The following ZNF600 variants were observed in gnomAD, a reference collection of about 807,000 sequenced individuals.
ZNF600 encodes the protein zinc finger protein 600, also known as zinc finger protein KR-ZNF1.
ZNF600 carries 4 observed loss-of-function variants against 7.3 expected under a neutral mutation model. The ratio of observed to expected loss-of-function variants is 0.55; its 90% CI spans 0.27 to 1.25. The LOEUF is 1.25. ZNF600 is among the 50% of genes most tolerant of loss of function. The pLI is 0.12. For missense variants in ZNF600, 911 were observed against 922.1 expected (o/e 0.99, Z 0.16); for synonymous variants, 290 against 308.9 (o/e 0.94, Z 0.64).
chr19:52,774,238 T>C (rs1455010867), intron 3 of ZNF600, among the ~76,000 whole-genome samples: 1 of 151,680 alleles, frequency 6.6e-6, no homozygotes, highest in African/African-American at 2.4e-5. Context: ...GAGACGAGTC[T>C]GACCAACATA....
chr19:52,811,037 G>A, the ZNF600 span, among the ~76,000 whole-genome samples: 2 of 148,036 alleles, frequency 1.4e-5, no homozygotes, highest in African/African-American at 4.9e-5. Flanking sequence ...TTGCAGGCAC[G>A]CGCCGCCACG....
chr19:52,769,219 C>T (rs537993515), intron 3 of ZNF600, among the ~76,000 whole-genome samples: 15 of 152,214 alleles, frequency 9.9e-5, no homozygotes, highest in African/African-American at 2.6e-4. Context: ...CCACCTCTTG[C>T]GGAGGGCCTG....
intron 2 of ZNF600, among the ~76,000 whole-genome samples, chr19:52,776,514 C>A (rs1412470655): frequency 1.3e-5 from 2 of 151,816 alleles, no homozygotes; most frequent in Admixed American, 6.6e-5. Flanking sequence ...CAGGTTCAAG[C>A]AATTCTCTTG....
chr19:52,784,070 C>T (rs2062745138), intron 1 of ZNF600, among the ~76,000 whole-genome samples: 1 of 148,182 alleles, frequency 6.7e-6, no homozygotes, highest in South Asian at 2.2e-4. Context: ...AGCAAAACTC[C>T]ACCTCAAAAA....
At chr19:52,771,037 T>C (rs1441460052) in intron 3 of ZNF600, among the ~76,000 whole-genome samples, 6 of 152,164 alleles carry the variant, frequency 3.9e-5, no homozygotes. Context: ...TTCTCCATGT[T>C]GGTCAGGCTC....
At chr19:52,769,479 T>G (rs543612909) in intron 3 of ZNF600, among the ~76,000 whole-genome samples, 111 of 152,314 alleles carry the variant, frequency 7.3e-4, no homozygotes, top group African/African-American at 2.5e-3. Context: ...CCCTGTCTAG[T>G]GGACAGGTGA....
At position 52,765,680 on chromosome 19, in the gene ZNF600, T is replaced by C. The variant is rs139572237; in HGVS notation, c.2283A>G (p.Lys761=). 3 of 1,613,900 alleles carry C rather than the reference T, an allele frequency of 1.9e-6. No homozygotes were observed. In the African/African-American group the frequency reaches 4.0e-5, roughly 22 times the overall value. Residue 761 remains lysine, a synonymous_variant, in exon 4 of 4, where the codon AAA becomes AAG. Transcript: ENST00000648973. ...TGCCACACTCATTACACTTGTAAGG[T>C]TTCTCTCCAGTGTGAAGTCCAGTAT...
At chr19:52,824,959 C>T in the ZNF600 span, among the ~76,000 whole-genome samples, 88 of 152,090 alleles carry the variant, frequency 5.8e-4, no homozygotes, top group Non-Finnish European at 1.0e-3. Flanking sequence ...TAGCTGGACA[C>T]GGTGGTGCAC....
At chr19:52,789,890 GGTGGGGCC>G (rs1457374899), upstream of ZNF600, among the ~76,000 whole-genome samples, 2 of 152,146 alleles carry the variant, frequency 1.3e-5, no homozygotes, top group African/African-American at 4.8e-5. Flanking sequence ...GGGAGATAGG[GGTGGGGCC>G]GTTTTATAAG....
the ZNF600 span, chr19:52,801,243 A>C: frequency 6.2e-7 from 1 of 1,614,058 alleles, no homozygotes; most frequent in African/African-American, 1.3e-5. Flanking sequence ...TTGTGTGAGT[A>C]ATGAAGAATG....
At chr19:52,794,041 G>A in the ZNF600 span, among the ~76,000 whole-genome samples, 49 of 152,208 alleles carry the variant, frequency 3.2e-4, no homozygotes, top group African/African-American at 1.2e-3. Context: ...GACACGTGAA[G>A]GTGGAGATGC....
chr19:52,774,103 A>G (rs2062652510), intron 3 of ZNF600, among the ~76,000 whole-genome samples: 1 of 152,124 alleles, frequency 6.6e-6, no homozygotes, highest in African/African-American at 2.4e-5. Context: ...TGTGGTATAC[A>G]CATACAATGG....
chr19:52,772,029 C>A (rs1334757880), intron 3 of ZNF600, among the ~76,000 whole-genome samples: 1 of 152,198 alleles, frequency 6.6e-6, no homozygotes, highest in Non-Finnish European at 1.5e-5. Flanking sequence ...TGAGTGTGTA[C>A]TATAAAACTT....
exon 4 of ZNF600, chr19:52,767,090 C>T: frequency 6.2e-7 from 1 of 1,614,090 alleles, no homozygotes; most frequent in Middle Eastern, 1.6e-4. Flanking sequence ...ACTTTCCACA[C>T]TCATTACACT....
chr19:52,765,272 AG>A lies in ZNF600; in HGVS notation c.*314del, dbSNP rs1250669717. 2.2e-5 allele frequency: 13 copies of A among 603,504 alleles called. 1 individual carries two copies. The highest frequency in any genetic ancestry group is 2.8e-4 in the Middle Eastern group (1 of 3,628). The allele number at this position is 603,504 out of a possible 1,614,324, so 37.4% of individuals were successfully genotyped here. A position where few individuals can be genotyped will look rare whatever the true frequency, so the allele number is the denominator to read the frequency against. Reference sequence around the variant, plus strand: ...GACATTTGTAAGATTTCTGTCCAGTAGGGATTCTCTGATGTCTAATGAGGTG... The same window carrying A: ...GACATTTGTAAGATTTCTGTCCAGTAGGATTCTCTGATGTCTAATGAGGTG... On this transcript the variant is annotated 3_prime_UTR_variant, in exon 4 of 4. Transcript: ENST00000648973.
At chr19:52,785,172 CT>C (rs2147585462) in intron 1 of ZNF600, among the ~76,000 whole-genome samples, 1 of 151,972 alleles carries the variant, frequency 6.6e-6, no homozygotes, top group South Asian at 2.1e-4. Context: ...TCCTCTCCTG[CT>C]GTTTATCCCC....
intron 3 of ZNF600, among the ~76,000 whole-genome samples, chr19:52,771,125 G>A (rs193260664): frequency 1.1e-4 from 16 of 152,050 alleles, no homozygotes; most frequent in South Asian, 4.2e-4. Flanking sequence ...AAGCCACCAC[G>A]ACTGGCCAGG....
intron 1 of ZNF600, among the ~76,000 whole-genome samples, chr19:52,781,826 G>T (rs2062724304): frequency 6.6e-6 from 1 of 151,756 alleles, no homozygotes; most frequent in East Asian, 1.9e-4. Flanking sequence ...ACTTTGGGAG[G>T]CCGAAGTGGG....
the ZNF600 span, among the ~76,000 whole-genome samples, chr19:52,811,745 C>T: frequency 3.3e-5 from 5 of 149,266 alleles, no homozygotes; most frequent in South Asian, 8.4e-4. Flanking sequence ...GCAGCCGCCC[C>T]GTCCGGGAGG....
Sources: gnomAD v4.1 joint callset for allele counts (sites outside exome capture counted in the v4.1 genomes callset) on GRCh38, gnomAD v4.1.1 for gene constraint, MANE v1.5 for transcripts, NCBI Gene and HGNC (gene_info 2026-07-23, HGNC 2026-07-21) for gene names.